NNT: variants seen among roughly 807,000 people sequenced by gnomAD.
The protein encoded by NNT is nicotinamide nucleotide transhydrogenase, also known as NAD(P) transhydrogenase, mitochondrial.
Under a neutral mutation model 104.8 loss-of-function variants are expected in NNT, and 50 were observed. The ratio of observed to expected loss-of-function variants is 0.48; its 90% confidence interval spans 0.38 to 0.60. NNT has a LOEUF of 0.60. NNT is among the 20% of genes least tolerant of loss of function. The pLI is 0.00. For synonymous variants in NNT, 461 were observed against 490.4 expected (o/e 0.94, Z 0.79); for missense variants, 1,131 against 1,330.7 (o/e 0.85, Z 2.33).
rs1174481682 is a variant in NNT at position 43,613,089 on chromosome 5, C to G, written c.333C>G (p.Ala111=). The part of the protein sequence containing the change: ...FSDDHYRVAG[A]QIQGAKEVLA... ...ATGATCACTATAGAGTGGCAGGTGC[C>G]CAAATCCAAGGGGCAAAGGAAGTGC... The change falls in exon 3 of 22, where the codon GCC becomes GCG. Residue 111 remains alanine, a synonymous_variant. Transcript: ENST00000344920. The G allele has an allele frequency of 6.2e-7, 1 of 1,613,402 alleles. No individual in the cohort carries two copies. Among genetic ancestry groups the G allele is most frequent in the Non-Finnish European group, 8.5e-7 (1 of 1,179,936 alleles).
At chr5:43,637,919 T>C (rs1415603472) in intron 7 of NNT, among the ~76,000 whole-genome samples, 2 of 152,154 alleles carry the variant, frequency 1.3e-5, no homozygotes, top group African/African-American at 4.8e-5. Context: ...CAGGCCTGCC[T>C]CTGGAGTGGT....
At chr5:43,686,468 C>G (rs545084753) in intron 19 of NNT, among the ~76,000 whole-genome samples, 2 of 152,070 alleles carry the variant, frequency 1.3e-5, no homozygotes, top group East Asian at 1.9e-4. Context: ...TCTAGATTGA[C>G]TATACAGTTT....
rs1234274033 is a variant in NNT, at chr5:43,651,769, A to G, written c.1748A>G (p.Asp583Gly). ...GGFLVTQRML[D>G]MFKRPTDPPE... ...TTTCTGGTGACTCAGAGAATGCTGG[A>G]CATGTTCAAGCGTCCCACTGACCCC... Residue 583 changes from aspartate (D) to glycine (G), a missense_variant, in exon 13 of 22, where the codon GAC (aspartate) becomes GGC (glycine). Physicochemically the swap from Asp to Gly is moderately conservative, Grantham distance 94. Transcript: ENST00000344920. 6.2e-7 allele frequency: 1 copy of G among 1,614,112 alleles called. No individual in the cohort carries two copies. The highest frequency in any genetic ancestry group is 1.7e-5 in the Admixed American group (1 of 60,020).
At chr5:43,655,254 C>A (rs75418243) in intron 14 of NNT, among the ~76,000 whole-genome samples, 1 of 152,096 alleles carries the variant, frequency 6.6e-6, no homozygotes, top group South Asian at 2.1e-4. Flanking sequence ...GAGTTTGTGA[C>A]GGGAAGAGGC....
chr5:43,653,007 C>A lies in NNT; in HGVS notation c.1864-11C>A. ...TTTTAATAATCTCTCTCTCACTTTT[C>A]CTTTGAAAAGATCATGTACCTAGGC... On this transcript the variant is annotated splice_polypyrimidine_tract_variant and intron_variant, in intron 13 of 21. Transcript: ENST00000344920. The A allele has an allele frequency of 1.3e-6, 2 of 1,595,268 alleles. No homozygotes were observed. Among genetic ancestry groups the A allele is most frequent in the South Asian group, 2.2e-5 (2 of 89,340 alleles).
Position 43,656,648 on chromosome 5 carries a change from T to C in NNT, c.2294-5T>C. ...GAATTGTAACTACTATGTGCTTGGC[T>C]CTAGGTCTCCTGAAATCTGCCCCTC... is the stretch of plus-strand genomic sequence containing the variant. On this transcript the variant is annotated splice_region_variant and splice_polypyrimidine_tract_variant and intron_variant, in intron 15 of 21. Coordinates refer to ENST00000344920, the MANE Select transcript of NNT (RefSeq NM_182977.3). 6.2e-7 allele frequency: 1 copy of C among 1,607,964 alleles called. No individual in the cohort carries two copies. The highest frequency in any genetic ancestry group is 8.5e-7 in the Non-Finnish European group (1 of 1,178,090).
intron 1 of NNT, among the ~76,000 whole-genome samples, chr5:43,605,297 A>G (rs1291687202): frequency 6.6e-6 from 1 of 151,530 alleles, no homozygotes; most frequent in Non-Finnish European, 1.5e-5. Context: ...CGGGTGGATC[A>G]TGAGGTCAGG....
rs554088058 is a variant in NNT at position 43,641,001 on chromosome 5, A to T, written c.965-3191A>T. ...TTTTGTCTTTTCTTTCATTTTATGG[A>T]TTGATTCTCTTCTTTTACAATTAAT... On this transcript the variant is annotated intron_variant, in intron 7 of 21. Transcript: ENST00000344920. 4.0e-5 allele frequency among the ~76,000 whole-genome samples: 6 copies of T among 151,696 alleles called. No individual in the cohort carries two copies. In the South Asian group the frequency reaches 1.2e-3, roughly 31 times the overall value.
In NNT at chr5:43,624,039, T is replaced by C; in HGVS notation, c.695T>C (p.Ile232Thr). The change falls in exon 6 of 22, where the codon ATA becomes ACA. Residue 232 changes from isoleucine (I) to threonine (T), a missense_variant. Transcript: ENST00000344920. ...AGKVPPAKIL[I>T]VGGGVAGLAS... ...ACTGGGTCTGTCTTCTAGATTCTGA[T>C]AGTTGGTGGTGGTGTTGCTGGGCTT... 1 of 1,614,096 alleles carries C rather than the reference T, an allele frequency of 6.2e-7. No homozygotes were observed. Among genetic ancestry groups the C allele is most frequent in the Non-Finnish European group, 8.5e-7 (1 of 1,179,952 alleles).
chr5:43,630,884 C>T lies in NNT; in HGVS notation c.964+2497C>T, dbSNP rs562831754. ...TTATGTTAGATCCTAGTGAAGGAGC[C>T]TCACTTTCTCTGAGGTGCTGTGGAG... On this transcript the variant is annotated intron_variant, in intron 7 of 21. Transcript: ENST00000344920. Among the ~76,000 whole-genome samples, 242 of 152,246 alleles carry T rather than the reference C, an allele frequency of 1.6e-3. 1 individual carries two copies. Among genetic ancestry groups the T allele is most frequent in the Non-Finnish European group, 2.6e-3 (179 of 68,002 alleles).
At chr5:43,690,035 TA>T (rs1224492444) in intron 19 of NNT, among the ~76,000 whole-genome samples, 1 of 151,798 alleles carries the variant, frequency 6.6e-6, no homozygotes, top group Non-Finnish European at 1.5e-5. Context: ...CATCTAAAAC[TA>T]AGAATAATTG....
At chr5:43,659,391 C>A in intron 17 of NNT, 41 bp downstream of exon 17, 1 of 1,497,992 alleles carries the variant, frequency 6.7e-7, no homozygotes, top group South Asian at 1.2e-5. Context: ...GAAATGGCTT[C>A]CTGAAAACAT....
At chr5:43,605,722 T>C (rs1749187912) in intron 1 of NNT, among the ~76,000 whole-genome samples, 1 of 152,126 alleles carries the variant, frequency 6.6e-6, no homozygotes, top group African/African-American at 2.4e-5. Flanking sequence ...GATAAGATAG[T>C]TTAAATATTC....
Position 43,650,454 on chromosome 5 carries a change from C to G in NNT, c.1607-23C>G, listed in dbSNP as rs1280619742. ...TTGGTGGTGTCACTATCACTATTAA[C>G]CATGTTAATGCTTTCTTTCTAGGGC... On this transcript the variant is annotated intron_variant, in intron 11 of 21. Coordinates refer to ENST00000344920, the MANE Select transcript of NNT (RefSeq NM_182977.3). 4 of 1,546,578 alleles carry G rather than the reference C, an allele frequency of 2.6e-6. No homozygotes were observed. The South Asian group carries it at 4.5e-5, about 17-fold the overall frequency.
intron 7 of NNT, among the ~76,000 whole-genome samples, 188 bp downstream of exon 7, chr5:43,628,575 T>C (rs560707745): frequency 2.0e-5 from 3 of 152,164 alleles, no homozygotes. Flanking sequence ...TTCCTTCAAG[T>C]ATTTTTTCTG....
At chr5:43,622,865 G>GTTTTTTTTTTTTTTT (rs36088911) in intron 5 of NNT, among the ~76,000 whole-genome samples, 1 of 138,524 alleles carries the variant, frequency 7.2e-6, no homozygotes, top group African/African-American at 2.6e-5. Context: ...TTAAATTATG[G>GTTTTTTTTTTTTTTT]TTTTTTTTTT....
chr5:43,652,470 A>G (rs1025178659), intron 13 of NNT, among the ~76,000 whole-genome samples: 3 of 152,102 alleles, frequency 2.0e-5, no homozygotes, highest in East Asian at 1.9e-4. Flanking sequence ...TTTCTTTTCA[A>G]TGGCTGTCTT....
At chr5:43,670,960 G>A (rs1174368768) in intron 17 of NNT, among the ~76,000 whole-genome samples, 1 of 152,070 alleles carries the variant, frequency 6.6e-6, no homozygotes, top group Non-Finnish European at 1.5e-5. Context: ...TATGAATCCG[G>A]GTGCCCCTGT....
chr5:43,672,906 C>T (rs1380485565), intron 17 of NNT, among the ~76,000 whole-genome samples: 4 of 152,232 alleles, frequency 2.6e-5, no homozygotes, highest in African/African-American at 9.6e-5. Flanking sequence ...GGTAGGCAGG[C>T]TTCCTTGAGC....
Sources: allele counts gnomAD v4.1 joint callset (sites outside exome capture counted in the v4.1 genomes callset), GRCh38; gene constraint gnomAD v4.1.1; transcripts MANE v1.5; gene names NCBI Gene and HGNC (gene_info 2026-07-23, HGNC 2026-07-21).